The following DPP10 variants were observed in gnomAD, a reference collection of about 807,000 sequenced individuals.
DPP10 encodes the protein dipeptidyl peptidase like 10, also known as inactive dipeptidyl peptidase 10.
A neutral mutation model predicts 120.9 loss-of-function variants in DPP10; 33 were observed. The observed-to-expected ratio is 0.27, with a 90% CI of 0.21 to 0.37. The LOEUF (loss-of-function observed/expected upper bound fraction) is 0.37, where lower values mean the gene tolerates loss of function less well. Among genes scored for constraint, DPP10 ranks in the 10% least tolerant of loss-of-function variants. DPP10 has a pLI of 1.00. For missense variants in DPP10, 816 were observed against 942.8 expected, an observed-to-expected ratio of 0.87 and a Z score of 1.76; for synonymous variants, 337 against 326.1, an observed-to-expected ratio of 1.03 and a Z score of -0.36.
chr2:114,638,332 T>C (rs1473532857), intron 1 of DPP10, among the ~76,000 whole-genome samples: 1 of 151,792 alleles, frequency 6.6e-6, no homozygotes, highest in Non-Finnish European at 1.5e-5. Context: ...CAAAAGAAAC[T>C]GTCAACAGAG....
At chr2:114,886,803 T>C (rs1692111980) in intron 1 of DPP10, among the ~76,000 whole-genome samples, 1 of 152,228 alleles carries the variant, frequency 6.6e-6, no homozygotes, top group Non-Finnish European at 1.5e-5. Context: ...GGCCTTGCTC[T>C]GGCTGTACTC....
chr2:114,533,228 A>T (rs1176480907), intron 1 of DPP10, among the ~76,000 whole-genome samples: 4 of 151,864 alleles, frequency 2.6e-5, no homozygotes, highest in South Asian at 2.1e-4. Context: ...AATGGGGGGA[A>T]CTCTGTCCTT....
At chr2:115,168,579 A>G (rs947105846) in intron 1 of DPP10, among the ~76,000 whole-genome samples, 2 of 152,196 alleles carry the variant, frequency 1.3e-5, no homozygotes, top group Non-Finnish European at 2.9e-5. Flanking sequence ...GGCAATAACC[A>G]ATCTCTGTTT....
At chr2:114,446,624 A>G (rs771208725) in intron 1 of DPP10, among the ~76,000 whole-genome samples, 14 of 152,160 alleles carry the variant, frequency 9.2e-5, no homozygotes, top group Non-Finnish European at 1.3e-4. Context: ...TAAAAGTTCT[A>G]GTTACTTCCT....
chr2:114,616,490 C>T (rs1048943170), intron 1 of DPP10, among the ~76,000 whole-genome samples: 8 of 152,202 alleles, frequency 5.3e-5, no homozygotes, highest in African/African-American at 1.7e-4. Context: ...CTGAACTCCA[C>T]CAAAAGCCTG....
intron 3 of DPP10, among the ~76,000 whole-genome samples, chr2:115,479,162 A>G (rs1466277238): frequency 6.6e-6 from 1 of 152,168 alleles, no homozygotes; most frequent in Non-Finnish European, 1.5e-5. Flanking sequence ...CTAAGTGTCC[A>G]TTGATGGATG....
At chr2:115,798,520 T>C (rs17045012) in intron 19 of DPP10, among the ~76,000 whole-genome samples, 2,782 of 152,158 alleles carry the variant, frequency 0.018, 88 homozygotes, top group African/African-American at 0.061. Context: ...TTATGAATCA[T>C]GTAAGGCTGT....
chr2:115,140,759 C>T (rs528108230), intron 1 of DPP10, among the ~76,000 whole-genome samples: 14 of 152,034 alleles, frequency 9.2e-5, no homozygotes, highest in South Asian at 8.3e-4. Flanking sequence ...TAATCCATGA[C>T]GCCAAGTTTT....
At chr2:114,756,852 T>A (rs937443481) in intron 1 of DPP10, among the ~76,000 whole-genome samples, 2 of 152,162 alleles carry the variant, frequency 1.3e-5, no homozygotes, top group East Asian at 3.9e-4. Context: ...AATGAAACAT[T>A]TATTTATACT....
intron 1 of DPP10, among the ~76,000 whole-genome samples, chr2:114,728,919 C>G (rs1676617879): frequency 6.6e-6 from 1 of 152,128 alleles, no homozygotes; most frequent in Admixed American, 6.6e-5. Context: ...GTTTGGAGGT[C>G]TCTTTTGAAA....
At chr2:115,768,216 C>T (rs1382004832) in intron 12 of DPP10, 81 bp from the exon 13 acceptor site, 8 of 1,166,710 alleles carry the variant, frequency 6.9e-6, no homozygotes, top group Middle Eastern at 4.2e-4. Context: ...TTTGGTATAA[C>T]CCATGCAGGA....
chr2:115,307,570 A>C (rs764500838), intron 1 of DPP10, among the ~76,000 whole-genome samples: 1 of 151,952 alleles, frequency 6.6e-6, no homozygotes, highest in Non-Finnish European at 1.5e-5. Flanking sequence ...TCACTGTCTC[A>C]GTTCTTGAGA....
At chr2:115,089,408 G>A (rs1709055081) in intron 1 of DPP10, among the ~76,000 whole-genome samples, 1 of 152,164 alleles carries the variant, frequency 6.6e-6, no homozygotes, top group African/African-American at 2.4e-5. Flanking sequence ...AAGACTAGAT[G>A]AGCAGTAATT....
At chr2:114,973,951 A>G (rs1699575500) in intron 1 of DPP10, among the ~76,000 whole-genome samples, 1 of 152,172 alleles carries the variant, frequency 6.6e-6, no homozygotes, top group African/African-American at 2.4e-5. Context: ...AGCTTAGAGA[A>G]TAAGGATATG....
In DPP10 at chr2:114,859,436, G is replaced by A. The variant is rs144771879; in HGVS notation, c.60+416598G>A. Among the ~76,000 whole-genome samples the A allele has an allele frequency of 4.0e-4, 60 of 151,882 alleles. No homozygotes were observed. In the East Asian group the frequency reaches 4.3e-3, roughly 11 times the overall value. On this transcript the variant is annotated intron_variant, in intron 1 of 25. Transcript: ENST00000410059. ...AATCACTAGGTTATTAAGTGTACAT[G>A]TGACCATACCATAATTTTGACAGAT...
chr2:115,023,526 A>C (rs990801512), intron 1 of DPP10, among the ~76,000 whole-genome samples: 5 of 152,126 alleles, frequency 3.3e-5, no homozygotes, highest in African/African-American at 1.2e-4. Flanking sequence ...TGAAAGGGGA[A>C]CACTTTTATA....
intron 5 of DPP10, among the ~76,000 whole-genome samples, chr2:115,625,808 A>G (rs949511348): frequency 9.2e-5 from 14 of 152,052 alleles, no homozygotes; most frequent in Admixed American, 6.6e-5. Flanking sequence ...CACTGAGTAG[A>G]ATAGTATTTG....
In DPP10 at chr2:115,193,366, G is replaced by A. The variant is rs1204671354; in HGVS notation, c.61-115873G>A. Among the ~76,000 whole-genome samples, 3 of 152,048 alleles carry A rather than the reference G, an allele frequency of 2.0e-5. No individual in the cohort carries two copies. The East Asian group carries it at 5.8e-4, about 29-fold the overall frequency. ...TCCAAAGCAAGCTTCCTTTATGTCTGTGGACTAGACTGCCTAAGACCACCA... is the reference window on the plus strand; with the variant it reads ...TCCAAAGCAAGCTTCCTTTATGTCTATGGACTAGACTGCCTAAGACCACCA... On this transcript the variant is annotated intron_variant, in intron 1 of 25. Coordinates refer to ENST00000410059, the MANE Select transcript of DPP10 (RefSeq NM_020868.6).
intron 1 of DPP10, among the ~76,000 whole-genome samples, chr2:114,518,553 A>T (rs534446569): frequency 1.3e-5 from 2 of 152,110 alleles, no homozygotes; most frequent in East Asian, 3.9e-4. Flanking sequence ...AATAATTTAG[A>T]CTAAAATTCG....
Sources: allele counts gnomAD v4.1 joint callset (sites outside exome capture counted in the v4.1 genomes callset), GRCh38; gene constraint gnomAD v4.1.1; transcripts MANE v1.5; gene names NCBI Gene and HGNC (gene_info 2026-07-23, HGNC 2026-07-21).